FAM149A: variants seen among roughly 807,000 people sequenced by gnomAD.
The protein encoded by FAM149A is protein FAM149A.
FAM149A carries 71 observed loss-of-function variants against 78.2 expected under a neutral mutation model. That is an observed-to-expected ratio of 0.91 (90% confidence interval 0.75 to 1.11). FAM149A has a LOEUF of 1.11. Ranked by LOEUF, FAM149A falls within the 50% of genes least tolerant of loss-of-function variation. The probability of loss-of-function intolerance (pLI) is 0.00; values close to 1 mark genes in which losing one functional copy is unlikely to be tolerated. For missense variants in FAM149A, 1,036 were observed against 971.0 expected (o/e 1.07, Z -0.89); for synonymous variants, 446 against 410.5 (o/e 1.09, Z -1.04).
At chr4:186,118,229 T>TG in intron 1 of FAM149A, 1 of 985,400 alleles carries the variant, frequency 1.0e-6, no homozygotes, top group Non-Finnish European at 1.2e-6. Context: ...TCTTTACTGT[T>TG]GCTGTGGGAG....
chr4:186,125,357 C>T (rs2099317859), intron 1 of FAM149A: 1 of 983,612 alleles, frequency 1.0e-6, no homozygotes, highest in Non-Finnish European at 1.2e-6. Flanking sequence ...ACACCCACAT[C>T]CCCTGCGGAG....
intron 1 of FAM149A, among the ~76,000 whole-genome samples, chr4:186,119,676 C>G (rs2099315154): frequency 6.6e-6 from 1 of 152,330 alleles, no homozygotes; most frequent in African/African-American, 2.4e-5. Context: ...GAGGACACAA[C>G]TCACCTTGGA....
rs558725870 is a variant in FAM149A at position 186,107,982 on chromosome 4, G to A, written c.566+2340G>A. Among the ~76,000 whole-genome samples, 3 of 152,208 alleles carry A rather than the reference G, an allele frequency of 2.0e-5. No homozygotes were observed. The South Asian group carries it at 6.2e-4, about 32-fold the overall frequency. On this transcript the variant is annotated intron_variant, in intron 1 of 13. Coordinates refer to ENST00000389354, the MANE Select transcript of FAM149A (RefSeq NM_001367768.3). ...AGGGGAAGGAAGAAAGTATTAAGAC[G>A]GCTTTTCTTTCAATACTGCAGACTT...
rs1419577099 is a variant in FAM149A at position 186,171,939 on chromosome 4, T to G, written c.2244T>G (p.Phe748Leu). 1 of 1,612,196 alleles carries G rather than the reference T, an allele frequency of 6.2e-7. No individual in the cohort carries two copies. The highest frequency in any genetic ancestry group is 1.7e-5 in the Admixed American group (1 of 59,638). Residue 748 changes from phenylalanine to leucine, a missense_variant, in exon 14 of 14, where the codon TTT becomes TTG. This residue lies in a region of FAM149A where 716 missense variants were observed against 711.8 expected (regional missense o/e 1.01). Transcript: ENST00000389354. ...GTTCACAATATGTGCCTAAATCTTT[T>G]CAGAGGACAACTTTGACTTTCAAGA... is the stretch of plus-strand genomic sequence containing the variant.
In FAM149A at chr4:186,144,737, G is replaced by A. The variant is rs1015403471; in HGVS notation, c.567-4436G>A. 1.5e-5 allele frequency: 13 copies of A among 871,998 alleles called. No individual in the cohort carries two copies. Among genetic ancestry groups the A allele is most frequent in the African/African-American group, 1.8e-5 (1 of 54,740 alleles). The allele number at this position is 871,998 out of a possible 1,614,324, so 54.0% of individuals were successfully genotyped here. A position where few individuals can be genotyped will look rare whatever the true frequency, so the allele number is the denominator to read the frequency against. ...GGAGGTCGGCGCGGGGCCGGGGCCG[G>A]GGCCGGGGCCCGGAGCGGGGATGGG... On this transcript the variant is annotated intron_variant, in intron 1 of 13. Transcript: ENST00000389354. The surrounding 1 kb of genome is among the most constrained non-coding windows in gnomAD (Gnocchi z 4.2).
intron 1 of FAM149A, among the ~76,000 whole-genome samples, chr4:186,129,029 CTG>C (rs1354819819): frequency 1.3e-5 from 2 of 151,362 alleles, no homozygotes; most frequent in South Asian, 2.1e-4. Context: ...GCCTGCATCT[CTG>C]TGTGTGTATG....
Position 186,172,135 on chromosome 4 carries a change from A to G in FAM149A, c.*148A>G, listed in dbSNP as rs1433236462. The G allele has an allele frequency of 2.4e-6, 3 of 1,225,900 alleles. No individual in the cohort carries two copies. Among genetic ancestry groups the G allele is most frequent in the Non-Finnish European group, 3.3e-6 (3 of 919,534 alleles). The allele number at this position is 1,225,900 out of a possible 1,614,324, so 75.9% of individuals were successfully genotyped here. ...GAAAAGCAAACAAATAAATCACTTA[A>G]TCTTGAACACTTTGCACTGTAAAGA... On this transcript the variant is annotated 3_prime_UTR_variant, in exon 14 of 14. Transcript: ENST00000389354.
At chr4:186,127,181 C>A (rs963648225) in intron 1 of FAM149A, 4 of 977,702 alleles carry the variant, frequency 4.1e-6, no homozygotes, top group Non-Finnish European at 4.9e-6. Context: ...CAACTCCACC[C>A]TGAGTAGCAT....
intron 1 of FAM149A, among the ~76,000 whole-genome samples, chr4:186,131,435 C>G (rs1410842116): frequency 1.3e-5 from 2 of 152,156 alleles, no homozygotes; most frequent in Non-Finnish European, 2.9e-5. Flanking sequence ...AGGGAGTTGG[C>G]AGCCTTCAGC....
At chr4:186,131,531 G>C (rs1579823239) in intron 1 of FAM149A, among the ~76,000 whole-genome samples, 1 of 152,194 alleles carries the variant, frequency 6.6e-6, no homozygotes, top group Non-Finnish European at 1.5e-5. Flanking sequence ...ACAAATAAAT[G>C]TCTGTTGATT....
chr4:186,127,021 T>C (rs1214714470), intron 1 of FAM149A: 8 of 985,268 alleles, frequency 8.1e-6, no homozygotes, highest in Non-Finnish European at 9.6e-6. Context: ...AGCTGTCGCG[T>C]ATGCCAATTA....
intron 1 of FAM149A, among the ~76,000 whole-genome samples, chr4:186,143,833 CTGTTTT>C (rs1732748745): frequency 1.3e-5 from 2 of 152,204 alleles, no homozygotes; most frequent in Non-Finnish European, 2.9e-5. Flanking sequence ...GGCTGGACTA[CTGTTTT>C]TGTTATTGGT....
chr4:186,121,922 C>T (rs2150092017), intron 1 of FAM149A, among the ~76,000 whole-genome samples: 1 of 152,292 alleles, frequency 6.6e-6, no homozygotes, highest in Non-Finnish European at 1.5e-5. Flanking sequence ...GATTTATCTG[C>T]CTGAATTCTC....
chr4:186,151,561 C>T (rs980786538), intron 3 of FAM149A, among the ~76,000 whole-genome samples: 1 of 152,214 alleles, frequency 6.6e-6, no homozygotes, highest in Admixed American at 6.5e-5. Flanking sequence ...TGTTTGCAGA[C>T]ATACAGATGT....
chr4:186,154,423 T>C (rs767121413), intron 5 of FAM149A, 45 bp from the exon 6 acceptor site: 2 of 1,515,912 alleles, frequency 1.3e-6, no homozygotes, highest in South Asian at 2.4e-5. Context: ...ATTGCGTTCT[T>C]GGTGTTCTAT....
At chr4:186,134,413 G>A (rs759507043) in intron 1 of FAM149A, among the ~76,000 whole-genome samples, 36 of 152,206 alleles carry the variant, frequency 2.4e-4, no homozygotes, top group Non-Finnish European at 3.8e-4. Flanking sequence ...AGCAAGGACA[G>A]GAAGAGCCTT....
At chr4:186,120,954 C>T (rs1328960621) in intron 1 of FAM149A, among the ~76,000 whole-genome samples, 1 of 146,272 alleles carries the variant, frequency 6.8e-6, no homozygotes, top group East Asian at 2.1e-4. Flanking sequence ...CCCGGATTCA[C>T]GCCATTCTCC....
intron 1 of FAM149A, chr4:186,109,427 T>C: frequency 3.1e-6 from 3 of 953,890 alleles, no homozygotes; most frequent in Non-Finnish European, 3.7e-6. Flanking sequence ...TAGAGGGACT[T>C]ATCTCGATTC....
intron 3 of FAM149A, among the ~76,000 whole-genome samples, chr4:186,150,395 TTCTC>T (rs1228516202): frequency 2.4e-5 from 3 of 125,462 alleles, no homozygotes; most frequent in East Asian, 2.4e-4. Context: ...CTTGCTTGCT[TTCTC>T]TCTCTCTCTG....
Sources: gnomAD v4.1 joint callset for allele counts (sites outside exome capture counted in the v4.1 genomes callset) on GRCh38, gnomAD v4.1.1 for gene constraint, gnomAD v4.1.1 regional missense constraint, Gnocchi (gnomAD v3.1) non-coding constraint, MANE v1.5 for transcripts, NCBI Gene and HGNC (gene_info 2026-07-23, HGNC 2026-07-21) for gene names.